CDK11B: variants seen among roughly 807,000 people sequenced by gnomAD.
The protein encoded by CDK11B is cyclin dependent kinase 11B.
CDK11B carries 37 observed loss-of-function variants against 84.0 expected under a neutral mutation model. The observed-to-expected ratio is 0.44, with a 90% CI of 0.34 to 0.58. The LOEUF is 0.58. CDK11B is among the 20% of genes least tolerant of loss of function. The pLI, the probability that CDK11B is intolerant of heterozygous loss-of-function variation, is 0.02. For missense variants in CDK11B, 427 were observed against 834.0 expected (o/e 0.51, Z 6.01); for synonymous variants, 269 against 309.8 (o/e 0.87, Z 1.38).
At chr1:1,653,695 C>G (rs1253720936) in intron 3 of CDK11B, among the ~76,000 whole-genome samples, 1 of 151,738 alleles carries the variant, frequency 6.6e-6, no homozygotes, top group East Asian at 1.9e-4. Context: ...AAAGATCCTA[C>G]AATTTTGGCT....
chr1:1,637,765 A>G lies in CDK11B; in HGVS notation c.1461T>C (p.Val487=). ...GGCGTGGTGGGGCCATGCTCACTCT[A>G]ACGGTGACGATGTTGGGATGCTGGG... ...LKAQHPNIVT[V]REIVVGSNMD... is the part of the protein sequence containing the mutation. The change falls in exon 13 of 20, where the codon GTT becomes GTC. Residue 487 remains valine, a synonymous_variant. Coordinates refer to ENST00000341832, the MANE Select transcript of CDK11B (RefSeq NM_033486.3). 1.2e-6 allele frequency: 2 copies of G among 1,613,722 alleles called. No homozygotes were observed. Among genetic ancestry groups the G allele is most frequent in the East Asian group, 4.5e-5 (2 of 44,876 alleles).
At chr1:1,640,750 A>T (rs1407687544) in intron 10 of CDK11B, among the ~76,000 whole-genome samples, 1 of 152,248 alleles carries the variant, frequency 6.6e-6, no homozygotes, top group Non-Finnish European at 1.5e-5. Flanking sequence ...AGGCTGGGCC[A>T]GGCCTCTGCT....
rs1315624983 is a variant in CDK11B at position 1,650,469 on chromosome 1, C to T, written c.356-832G>A. The stretch of plus-strand genomic sequence containing the variant: ...CAAGCTCCGCCTCCCGTGTTCACAC[C>T]ATTCTCCTGCCTCAGCCTCCCGAGT... On this transcript the variant is annotated intron_variant, in intron 4 of 19. Transcript: ENST00000341832. Among the ~76,000 whole-genome samples the T allele has an allele frequency of 3.2e-3, 476 of 148,878 alleles. 5 individuals carry two copies. Among genetic ancestry groups the T allele is most frequent in the African/African-American group, 0.011 (451 of 40,462 alleles).
At chr1:1,644,968 G>C (rs1440740745) in intron 6 of CDK11B, among the ~76,000 whole-genome samples, 158 bp downstream of exon 6, 2 of 140,308 alleles carry the variant, frequency 1.4e-5, no homozygotes, top group African/African-American at 6.5e-5. Context: ...ACTCCAGCCT[G>C]GGGGACAAGA....
intron 3 of CDK11B, among the ~76,000 whole-genome samples, chr1:1,653,342 A>G (rs1206478989): frequency 1.3e-5 from 2 of 151,478 alleles, no homozygotes; most frequent in Non-Finnish European, 2.9e-5. Flanking sequence ...TTTTTTTCAG[A>G]TAGAATCTCG....
intron 16 of CDK11B, 22 bp downstream of exon 16, chr1:1,636,875 C>A (rs758983425): frequency 6.2e-7 from 1 of 1,609,746 alleles, no homozygotes; most frequent in Non-Finnish European, 8.5e-7. Flanking sequence ...ACAGGGGAGG[C>A]ACTCAGACGC....
chr1:1,647,849 C>A (rs1283952977), intron 5 of CDK11B, among the ~76,000 whole-genome samples: 3 of 152,196 alleles, frequency 2.0e-5, no homozygotes, highest in African/African-American at 7.2e-5. Context: ...ACGGAGTAAC[C>A]CCTTCCAAGG....
intron 3 of CDK11B, 74 bp downstream of exon 3, chr1:1,655,295 C>A: frequency 6.5e-7 from 1 of 1,534,008 alleles, no homozygotes. Flanking sequence ...ACAGTTGTCA[C>A]AGCGACCCTA....
chr1:1,637,728 C>A, intron 13 of CDK11B, 34 bp downstream of exon 13: 1 of 1,613,684 alleles, frequency 6.2e-7, no homozygotes, highest in African/African-American at 1.3e-5. Flanking sequence ...AAAAGCCTTC[C>A]ACCCGGGGCC....
At chr1:1,640,941 C>A in intron 10 of CDK11B, 107 bp downstream of exon 10, 1 of 1,545,610 alleles carries the variant, frequency 6.5e-7, no homozygotes, top group Non-Finnish European at 8.7e-7. Context: ...AGGCGGCCTC[C>A]CAGACCCTGG....
chr1:1,636,590 C>G (rs1333984111), intron 17 of CDK11B, 92 bp downstream of exon 17: 50 of 1,583,230 alleles, frequency 3.2e-5, no homozygotes, highest in South Asian at 6.8e-5. Context: ...GGCCCTGGTC[C>G]CCATCTCAAC....
intron 12 of CDK11B, 70 bp downstream of exon 12, chr1:1,638,430 T>G: frequency 8.3e-7 from 1 of 1,198,542 alleles, no homozygotes; most frequent in Non-Finnish European, 1.2e-6. Flanking sequence ...CCAGGTGCAG[T>G]CGCAGCTCTC....
intron 3 of CDK11B, among the ~76,000 whole-genome samples, chr1:1,653,863 C>CACACACAA (rs761317190): frequency 0.023 from 3,078 of 132,882 alleles, 65 homozygotes; most frequent in African/African-American, 0.059. Flanking sequence ...CACACACACA[C>CACACACAA]CCGAGCGTGG....
chr1:1,650,304 T>G, intron 4 of CDK11B, among the ~76,000 whole-genome samples: 1 of 140,394 alleles, frequency 7.1e-6, no homozygotes, highest in Middle Eastern at 3.8e-3. Context: ...TCAAGAACAG[T>G]AAATATTTAA....
chr1:1,643,587 G>T (rs1272041901), intron 6 of CDK11B, among the ~76,000 whole-genome samples: 1 of 147,488 alleles, frequency 6.8e-6, no homozygotes, highest in Non-Finnish European at 1.5e-5. Flanking sequence ...AGAACGAAAG[G>T]AAGATGTGGA....
intron 9 of CDK11B, among the ~76,000 whole-genome samples, chr1:1,641,460 G>A (rs1183573863): frequency 2.7e-5 from 4 of 146,356 alleles, no homozygotes; most frequent in Non-Finnish European, 6.2e-5. Context: ...AGTGAGCCGA[G>A]ATCATGCCAC....
intron 4 of CDK11B, among the ~76,000 whole-genome samples, chr1:1,651,126 G>A (rs1439813813): frequency 3.9e-5 from 6 of 152,190 alleles, no homozygotes; most frequent in East Asian, 1.9e-4. Context: ...CCTAACACCC[G>A]TAAGAACCTC....
At position 1,643,744 on chromosome 1, in the gene CDK11B, G is replaced by A. The variant is rs549960543; in HGVS notation, c.632-1236C>T. ...TAAATATTCACAACAGAAACTCACA[G>A]GCAGATGTGAGCAGGCAGAAGAAAT... On this transcript the variant is annotated intron_variant, in intron 6 of 19. Coordinates refer to ENST00000341832, the MANE Select transcript of CDK11B (RefSeq NM_033486.3). Among the ~76,000 whole-genome samples the A allele has an allele frequency of 2.8e-5, 4 of 142,664 alleles. No homozygotes were observed. In the South Asian group the frequency reaches 9.3e-4, roughly 33 times the overall value. The allele number at this position is 142,664 out of a possible 152,430, so 93.6% of individuals were successfully genotyped here.
chr1:1,643,553 C>T lies in CDK11B; in HGVS notation c.632-1045G>A, dbSNP rs781330336. ...TAGATGTCCCAAAGACTTTAGGGAA[C>T]TGTCTTAACCTTCAGTTCCTCAGAG... is the stretch of plus-strand genomic sequence containing the variant. On this transcript the variant is annotated intron_variant, in intron 6 of 19. Transcript: ENST00000341832. Among the ~76,000 whole-genome samples, 83 of 147,874 alleles carry T rather than the reference C, an allele frequency of 5.6e-4. 4 individuals carry two copies. The highest frequency in any genetic ancestry group is 9.7e-4 in the Non-Finnish European group (66 of 67,928).
Sources: gnomAD v4.1 joint callset for allele counts (sites outside exome capture counted in the v4.1 genomes callset) on GRCh38, gnomAD v4.1.1 for gene constraint, MANE v1.5 for transcripts, NCBI Gene and HGNC (gene_info 2026-07-23, HGNC 2026-07-21) for gene names.